Variants in MAD1L1 observed in about 807,000 individuals in gnomAD.
MAD1L1 encodes mitotic arrest deficient 1 like 1.
Under a neutral mutation model 96.9 loss-of-function variants are expected in MAD1L1, and 95 were observed. The observed-to-expected ratio is 0.98, with a 90% CI of 0.83 to 1.16. MAD1L1 has a LOEUF of 1.16. MAD1L1 is among the 50% of genes most tolerant of loss of function. The pLI is 0.00. For synonymous variants in MAD1L1, 473 were observed against 396.6 expected, an observed-to-expected ratio of 1.19 and a Z score of -2.29; for missense variants, 1,007 against 954.4, an observed-to-expected ratio of 1.06 and a Z score of -0.73.
At chr7:2,209,089 C>T (rs1246238622) in intron 10 of MAD1L1, among the ~76,000 whole-genome samples, 2 of 152,198 alleles carry the variant, frequency 1.3e-5, no homozygotes, top group Non-Finnish European at 2.9e-5. Flanking sequence ...GTCGTAGAAA[C>T]TAACATGCCC....
chr7:2,083,353 A>T lies in MAD1L1; in HGVS notation c.1074-14015T>A, dbSNP rs75330893. 2.1e-3 allele frequency among the ~76,000 whole-genome samples: 324 copies of T among 152,312 alleles called. 2 individuals are homozygous for T. The highest frequency in any genetic ancestry group is 7.0e-3 in the African/African-American group (290 of 41,556). ...CTTGACTTGAGAAATGCCAGCTCTAAGCAGTTTATTTCCTCTTGAACTTTA... is the reference window on the plus strand; with the variant it reads ...CTTGACTTGAGAAATGCCAGCTCTATGCAGTTTATTTCCTCTTGAACTTTA... On this transcript the variant is annotated intron_variant, in intron 11 of 18. Coordinates refer to ENST00000265854, the MANE Select transcript of MAD1L1 (RefSeq NM_001013836.2).
intron 15 of MAD1L1, among the ~76,000 whole-genome samples, chr7:1,971,092 C>T (rs1420417414): frequency 6.6e-6 from 1 of 151,886 alleles, no homozygotes; most frequent in African/African-American, 2.4e-5. Flanking sequence ...GTGCGAGTTC[C>T]ACCTCAATAC....
intron 13 of MAD1L1, among the ~76,000 whole-genome samples, chr7:2,002,685 C>A (rs2128492957): frequency 6.6e-6 from 1 of 152,312 alleles, no homozygotes; most frequent in South Asian, 2.1e-4. Context: ...TGACCCCACA[C>A]TAAGGGTAGA....
intron 17 of MAD1L1, among the ~76,000 whole-genome samples, chr7:1,902,194 G>C (rs1787288750): frequency 6.6e-6 from 1 of 152,210 alleles, no homozygotes; most frequent in African/African-American, 2.4e-5. Context: ...GGAATCACAG[G>C]AGGCAGCTGT....
chr7:1,914,792 A>ATTATTT (rs1204800727), intron 17 of MAD1L1, among the ~76,000 whole-genome samples: 15 of 151,620 alleles, frequency 9.9e-5, no homozygotes, highest in Non-Finnish European at 1.9e-4. Flanking sequence ...TATTATTATT[A>ATTATTT]TTTTTATAAA....
At position 1,816,139 on chromosome 7, in the gene MAD1L1, G is replaced by A. The variant is rs771204236; in HGVS notation, c.2088C>T (p.Arg696=). 2 of 1,613,266 alleles carry A rather than the reference G, an allele frequency of 1.2e-6. No homozygotes were observed. The highest frequency in any genetic ancestry group is 1.7e-6 in the Non-Finnish European group (2 of 1,179,892). ...TGAGGAAGGCAGGGATGCTGTCCTG[G>A]CGCCGCAGGTGCACCTCGATGAGCT... ...VGELIEVHLR[R]QDSIPAFLSS... is the part of the protein sequence containing the mutation. Residue 696 remains arginine (R), a synonymous_variant, in exon 19 of 19, where the codon CGC becomes CGT. Coordinates refer to ENST00000265854, the MANE Select transcript of MAD1L1 (RefSeq NM_001013836.2).
rs544855102 is a variant in MAD1L1 at position 2,074,837 on chromosome 7, TG to T, written c.1074-5500del. ...TGACACTGGAGGGGAAACCGGAGGCTGGGGGGGCCCTCGGGGAGGGGTGGCG... is the reference window on the plus strand; with the variant it reads ...TGACACTGGAGGGGAAACCGGAGGCTGGGGGGCCCTCGGGGAGGGGTGGCG... On this transcript the variant is annotated intron_variant, in intron 11 of 18. Coordinates refer to ENST00000265854, the MANE Select transcript of MAD1L1 (RefSeq NM_001013836.2). Among the ~76,000 whole-genome samples, 547 of 150,028 alleles carry T rather than the reference TG, an allele frequency of 3.6e-3. 2 individuals are homozygous for T. Among genetic ancestry groups the T allele is most frequent in the African/African-American group, 0.013 (524 of 40,882 alleles).
At chr7:2,158,145 T>C (rs1789929680) in intron 10 of MAD1L1, among the ~76,000 whole-genome samples, 1 of 152,196 alleles carries the variant, frequency 6.6e-6, no homozygotes, top group African/African-American at 2.4e-5. Flanking sequence ...AGAAAGTCTT[T>C]TTGTTCTATC....
At chr7:1,844,935 G>A (rs1783508026) in intron 18 of MAD1L1, among the ~76,000 whole-genome samples, 1 of 152,246 alleles carries the variant, frequency 6.6e-6, no homozygotes, top group Non-Finnish European at 1.5e-5. Context: ...TCAGTGAGTG[G>A]GCACAGCCAG....
At chr7:1,907,797 G>C (rs1354458657) in intron 17 of MAD1L1, among the ~76,000 whole-genome samples, 1 of 152,246 alleles carries the variant, frequency 6.6e-6, no homozygotes, top group Non-Finnish European at 1.5e-5. Flanking sequence ...GGCTGTCTAC[G>C]GACATCACGG....
rs1002668196 is a variant in MAD1L1 at position 1,968,991 on chromosome 7, G to A, written c.1506-11272C>T. Reference sequence around the variant, plus strand: ...CATGGCAGCGTGAGATGTCAACAGCGAGAGAAACCGGGTGAAGAGGGTATG... The same window carrying A: ...CATGGCAGCGTGAGATGTCAACAGCAAGAGAAACCGGGTGAAGAGGGTATG... On this transcript the variant is annotated intron_variant, in intron 15 of 18. Coordinates refer to ENST00000265854, the MANE Select transcript of MAD1L1 (RefSeq NM_001013836.2). This position sits in a 1 kb window ranked among gnomAD's most constrained non-coding sequence, Gnocchi z 5.6. Among the ~76,000 whole-genome samples the A allele has an allele frequency of 1.3e-5, 2 of 152,208 alleles. No individual in the cohort carries two copies. Among genetic ancestry groups the A allele is most frequent in the Admixed American group, 6.5e-5 (1 of 15,280 alleles).
chr7:2,053,814 G>A (rs966935281), intron 12 of MAD1L1, among the ~76,000 whole-genome samples: 2 of 152,198 alleles, frequency 1.3e-5, no homozygotes, highest in Admixed American at 6.5e-5. Flanking sequence ...TTAAGTGGAC[G>A]CAGGCCATGA....
intron 14 of MAD1L1, among the ~76,000 whole-genome samples, chr7:2,000,513 G>A (rs977643852): frequency 6.6e-6 from 1 of 152,144 alleles, no homozygotes; most frequent in Non-Finnish European, 1.5e-5. Context: ...TCACTGTTGG[G>A]TCCGGGACCT....
At chr7:1,955,423 T>C (rs1398566606) in intron 16 of MAD1L1, among the ~76,000 whole-genome samples, 3 of 152,202 alleles carry the variant, frequency 2.0e-5, no homozygotes, top group Non-Finnish European at 2.9e-5. Context: ...CCTGAGTAGC[T>C]GAGACTACAG....
At chr7:2,226,706 T>C in intron 3 of MAD1L1, among the ~76,000 whole-genome samples, 1 of 152,152 alleles carries the variant, frequency 6.6e-6, no homozygotes, top group East Asian at 1.9e-4. Context: ...ATCTTCTCTT[T>C]AGGTTGGGTG....
intron 11 of MAD1L1, chr7:2,079,816 C>A: frequency 2.1e-6 from 1 of 465,642 alleles, no homozygotes; most frequent in Non-Finnish European, 4.5e-6. Flanking sequence ...GAAATGAGAA[C>A]TGCAGAGACA....
chr7:2,044,737 AG>A (rs1326137075), intron 12 of MAD1L1, among the ~76,000 whole-genome samples: 1 of 152,170 alleles, frequency 6.6e-6, no homozygotes, highest in East Asian at 1.9e-4. Flanking sequence ...TGTGAGATTC[AG>A]TGAGGATGAC....
At chr7:1,817,678 T>TAATG (rs1028032769) in intron 18 of MAD1L1, among the ~76,000 whole-genome samples, 102 of 152,236 alleles carry the variant, frequency 6.7e-4, no homozygotes, top group African/African-American at 2.4e-3. Flanking sequence ...AACGGTAGAC[T>TAATG]AATGGAGCGC....
intron 18 of MAD1L1, among the ~76,000 whole-genome samples, chr7:1,855,302 T>C (rs1192309603): frequency 6.6e-6 from 1 of 151,772 alleles, no homozygotes; most frequent in East Asian, 1.9e-4. Context: ...ACCCTAGGGT[T>C]CTCTCCCTAG....
Sources: allele counts gnomAD v4.1 joint callset (sites outside exome capture counted in the v4.1 genomes callset), GRCh38; gene constraint gnomAD v4.1.1; non-coding constraint Gnocchi (gnomAD v3.1); transcripts MANE v1.5; gene names NCBI Gene and HGNC (gene_info 2026-07-23, HGNC 2026-07-21).